NEBL: variants seen among roughly 807,000 people sequenced by gnomAD.
NEBL encodes LIM and SH3 protein 2.
NEBL carries 122 observed loss-of-function variants against 140.2 expected under a neutral mutation model. The ratio of observed to expected loss-of-function variants is 0.87; its 90% CI spans 0.75 to 1.01. NEBL has a LOEUF of 1.01. NEBL is among the 50% of genes least tolerant of loss of function. The pLI is 0.00. For missense variants in NEBL, 1,365 were observed against 1,231.3 expected (o/e 1.11, Z -1.62); for synonymous variants, 436 against 398.9 (o/e 1.09, Z -1.11).
At chr10:21,259,916 G>A (rs1438368449) in intron 1 of NEBL, among the ~76,000 whole-genome samples, 1 of 152,182 alleles carries the variant, frequency 6.6e-6, no homozygotes, top group Non-Finnish European at 1.5e-5. Flanking sequence ...ATGTCACCCT[G>A]AAGGCAGTTG....
At chr10:21,108,998 C>G (rs1192751496) in intron 2 of NEBL, among the ~76,000 whole-genome samples, 2 of 152,130 alleles carry the variant, frequency 1.3e-5, no homozygotes, top group Admixed American at 1.3e-4. Context: ...ATTTCTTTCT[C>G]TTGCCCGATT....
chr10:21,211,587 C>T (rs1841916124), intron 3 of NEBL, among the ~76,000 whole-genome samples: 1 of 152,052 alleles, frequency 6.6e-6, no homozygotes, highest in African/African-American at 2.4e-5. Context: ...AAAGACTGGC[C>T]CCTTTAAAGA....
rs1835090129 is a variant in NEBL at position 20,782,375 on chromosome 10, C to T, written c.*3372G>A. On this transcript the variant is annotated 3_prime_UTR_variant, in exon 28 of 28. Transcript: ENST00000377122. ...TATAGGGATGTGTTATTAAAGATCA[C>T]ACACATTTTCTTCATCTTTTATTGA... 6.6e-6 allele frequency: 1 copy of T among 152,630 alleles called. No individual in the cohort carries two copies. The highest frequency in any genetic ancestry group is 1.5e-5 in the Non-Finnish European group (1 of 68,024). The allele number at this position is 152,630 out of a possible 1,614,324, so 9.5% of individuals were successfully genotyped here.
At chr10:20,849,941 C>T (rs1023094593) in intron 11 of NEBL, among the ~76,000 whole-genome samples, 1 of 151,874 alleles carries the variant, frequency 6.6e-6, no homozygotes, top group African/African-American at 2.4e-5. Context: ...ATATATAAGA[C>T]TCTTAGCATA....
At chr10:21,196,810 C>G (rs1841660216) in intron 3 of NEBL, among the ~76,000 whole-genome samples, 2 of 152,250 alleles carry the variant, frequency 1.3e-5, no homozygotes, top group African/African-American at 2.4e-5. Flanking sequence ...ATTGGTATCA[C>G]TTTGACCCAG....
intron 3 of NEBL, among the ~76,000 whole-genome samples, chr10:21,182,476 T>TA (rs977990408): frequency 3.9e-5 from 6 of 152,062 alleles, no homozygotes; most frequent in African/African-American, 1.4e-4. Context: ...ACCTTATCTC[T>TA]AAAAAGAAAA....
chr10:20,845,479 C>A, intron 11 of NEBL, 111 bp from the exon 12 acceptor site: 1 of 700,012 alleles, frequency 1.4e-6, no homozygotes. Flanking sequence ...GGTAGTTCTA[C>A]CACCTGAGGG....
In NEBL at chr10:21,235,603, C is replaced by T. The variant is rs556698506; in HGVS notation, n.348+12318G>A. Reference sequence around the variant, plus strand: ...GTGCTGGGATAACAGGCGTAAGCCACTGCGCCAGGCCCATAAGCATTTTTA... The same window carrying T: ...GTGCTGGGATAACAGGCGTAAGCCATTGCGCCAGGCCCATAAGCATTTTTA... On this transcript the variant is annotated intron_variant and non_coding_transcript_variant, in intron 3 of 8. Coordinates refer to the NEBL transcript ENST00000675702. 2.0e-5 allele frequency among the ~76,000 whole-genome samples: 3 copies of T among 152,336 alleles called. No homozygotes were observed. The East Asian group carries it at 5.8e-4, about 29-fold the overall frequency.
At chr10:20,873,786 T>C (rs984605919) in intron 5 of NEBL, among the ~76,000 whole-genome samples, 5 of 152,208 alleles carry the variant, frequency 3.3e-5, no homozygotes, top group African/African-American at 1.2e-4. Flanking sequence ...ATAACTGTAA[T>C]TTTAATGAGC....
intron 3 of NEBL, among the ~76,000 whole-genome samples, chr10:20,994,127 ACTGT>A (rs1438264559): frequency 6.6e-6 from 1 of 152,216 alleles, no homozygotes; most frequent in Non-Finnish European, 1.5e-5. Context: ...CGTAATTTAA[ACTGT>A]CTTTCAGTTC....
intron 3 of NEBL, among the ~76,000 whole-genome samples, chr10:20,963,872 G>A (rs1394398835): frequency 6.6e-6 from 1 of 152,144 alleles, no homozygotes; most frequent in Non-Finnish European, 1.5e-5. Flanking sequence ...TTTGAATGGT[G>A]TGAAACACAG....
chr10:21,167,821 G>C (rs1337048259), intron 2 of NEBL, among the ~76,000 whole-genome samples: 1 of 152,084 alleles, frequency 6.6e-6, no homozygotes, highest in Non-Finnish European at 1.5e-5. Flanking sequence ...GCACCTCTTA[G>C]TGATAACAAT....
intron 20 of NEBL, among the ~76,000 whole-genome samples, chr10:20,817,914 T>C: frequency 6.6e-6 from 1 of 152,178 alleles, no homozygotes; most frequent in East Asian, 1.9e-4. Context: ...ATAAATGCTT[T>C]CCTCTTCAAT....
chr10:20,803,605 A>G (rs1282075760), intron 26 of NEBL, among the ~76,000 whole-genome samples: 3 of 152,020 alleles, frequency 2.0e-5, no homozygotes, highest in African/African-American at 7.2e-5. Flanking sequence ...TTGTTATAAA[A>G]TTCTTTTCAA....
chr10:20,916,281 G>A (rs1346482911), intron 4 of NEBL, among the ~76,000 whole-genome samples: 1 of 152,132 alleles, frequency 6.6e-6, no homozygotes, highest in Non-Finnish European at 1.5e-5. Context: ...TGGGGAAGGA[G>A]GGAAACAGAA....
chr10:21,119,597 A>G (rs1356812735), intron 2 of NEBL, among the ~76,000 whole-genome samples: 2 of 151,698 alleles, frequency 1.3e-5, no homozygotes, highest in Non-Finnish European at 2.9e-5. Context: ...GATAATTTAC[A>G]TGTATAAATG....
At chr10:21,034,097 G>T (rs1833914992) in intron 2 of NEBL, among the ~76,000 whole-genome samples, 2 of 144,482 alleles carry the variant, frequency 1.4e-5, no homozygotes, top group South Asian at 4.7e-4. Context: ...AGCCTGGGAG[G>T]TTGAGGCTGC....
intron 18 of NEBL, among the ~76,000 whole-genome samples, chr10:20,826,139 C>T (rs1839829096): frequency 1.3e-5 from 2 of 152,100 alleles, no homozygotes; most frequent in Admixed American, 6.6e-5. Context: ...GAAATGTATC[C>T]TTTCTCTGCA....
At chr10:21,007,349 G>T (rs1214613678) in intron 3 of NEBL, among the ~76,000 whole-genome samples, 2 of 152,316 alleles carry the variant, frequency 1.3e-5, no homozygotes, top group East Asian at 3.9e-4. Context: ...GTTACAGGAA[G>T]TATGGAGGGT....
Sources: gnomAD v4.1 joint callset for allele counts (sites outside exome capture counted in the v4.1 genomes callset) on GRCh38, gnomAD v4.1.1 for gene constraint, MANE v1.5 for transcripts, NCBI Gene and HGNC (gene_info 2026-07-23, HGNC 2026-07-21) for gene names.